The following PKP1 variants were observed in gnomAD, a reference collection of about 807,000 sequenced individuals.
PKP1 encodes plakophilin 1, also known as plakophilin-1.
PKP1 carries 27 observed loss-of-function variants against 76.4 expected under a neutral mutation model. The observed-to-expected ratio is 0.35, with a 90% CI of 0.26 to 0.49. The LOEUF (loss-of-function observed/expected upper bound fraction) is 0.49. Among genes scored for constraint, PKP1 ranks in the 20% least tolerant of loss-of-function variants. The probability of loss-of-function intolerance (pLI) is 0.99; values close to 1 mark genes in which losing one functional copy is unlikely to be tolerated. For missense variants in PKP1, 964 were observed against 955.2 expected (o/e 1.01, Z -0.12); for synonymous variants, 404 against 384.2 (o/e 1.05, Z -0.60).
At chr1:201,328,623 C>A in intron 12 of PKP1, 139 bp from the exon 13 acceptor site, 1 of 762,324 alleles carries the variant, frequency 1.3e-6, no homozygotes, top group Non-Finnish European at 2.4e-6. Context: ...GGCCAGTTTT[C>A]GCCCTGACAC....
chr1:201,305,821 T>C (rs1656352127), intron 2 of PKP1, among the ~76,000 whole-genome samples: 2 of 152,148 alleles, frequency 1.3e-5, no homozygotes, highest in African/African-American at 4.8e-5. Context: ...CTCCAGGAGT[T>C]ATTTCATATC....
At chr1:201,328,607 T>C in intron 12 of PKP1, 155 bp from the exon 13 acceptor site, 1 of 720,924 alleles carries the variant, frequency 1.4e-6, no homozygotes. Flanking sequence ...GTTACACAGT[T>C]ACTGAGGCCA....
At chr1:201,302,761 G>A (rs963129318) in intron 2 of PKP1, among the ~76,000 whole-genome samples, 37 of 144,892 alleles carry the variant, frequency 2.6e-4, no homozygotes, top group Admixed American at 1.8e-3. Context: ...CTCCCCTCCC[G>A]CCCCCACAGC....
intron 1 of PKP1, among the ~76,000 whole-genome samples, chr1:201,291,161 G>A (rs764899382): frequency 6.6e-6 from 1 of 152,096 alleles, no homozygotes; most frequent in Admixed American, 6.5e-5. Context: ...CACCACCTCC[G>A]CCCCAAATAC....
chr1:201,294,409 G>A (rs897740745), intron 2 of PKP1, among the ~76,000 whole-genome samples: 4 of 152,190 alleles, frequency 2.6e-5, no homozygotes, highest in African/African-American at 9.7e-5. Flanking sequence ...AAATCCTAAA[G>A]GGTCATCTCT....
intron 13 of PKP1, among the ~76,000 whole-genome samples, chr1:201,329,398 G>C (rs955449977): frequency 6.6e-6 from 1 of 152,224 alleles, no homozygotes; most frequent in African/African-American, 2.4e-5. Context: ...TATATGGGTT[G>C]CTTGCTAAAA....
chr1:201,317,699 C>T lies in PKP1; in HGVS notation c.974C>T (p.Thr325Ile). Reference sequence around the variant, plus strand: ...AGGAGCACCACCAACAAGCTGGAGACCCGGAGGCAGAATGGGATCCGCGAG... The same window carrying T: ...AGGAGCACCACCAACAAGCTGGAGATCCGGAGGCAGAATGGGATCCGCGAG... Reference protein sequence around the residue: ...VFRSTTNKLETRRQNGIREAV... With the variant: ...VFRSTTNKLEIRRQNGIREAV... The change falls in exon 5 of 14, where the codon ACC becomes ATC. Residue 325 changes from threonine (T) to isoleucine (I), a missense_variant. Transcript: ENST00000367324. The T allele has an allele frequency of 1.9e-6, 3 of 1,614,006 alleles. No homozygotes were observed. Among genetic ancestry groups the T allele is most frequent in the Non-Finnish European group, 1.7e-6 (2 of 1,180,008 alleles).
Position 201,289,490 on chromosome 1 carries a change from G to A in PKP1, c.203-4452G>A, listed in dbSNP as rs1183850815. ...CTGTGACGAAGGAGAAGGATTTGAG[G>A]GGAGGGAAAGTGGAAAAAGCGGATT... On this transcript the variant is annotated intron_variant, in intron 1 of 13. Coordinates refer to ENST00000367324, the MANE Select transcript of PKP1 (RefSeq NM_001005337.3). Among the ~76,000 whole-genome samples, 4 of 152,292 alleles carry A rather than the reference G, an allele frequency of 2.6e-5. No homozygotes were observed. The East Asian group carries it at 7.7e-4, about 29-fold the overall frequency.
Position 201,284,028 on chromosome 1 carries a change from C to T in PKP1, c.202+124C>T, listed in dbSNP as rs375291658. ...GAGGCGAGGGGCTGCCGGCCCCAGGCAGGGTCTACGCACCTAGTGCGAGCA... is the reference window on the plus strand; with the variant it reads ...GAGGCGAGGGGCTGCCGGCCCCAGGTAGGGTCTACGCACCTAGTGCGAGCA... On this transcript the variant is annotated intron_variant, in intron 1 of 13. Coordinates refer to ENST00000367324, the MANE Select transcript of PKP1 (RefSeq NM_001005337.3). The T allele has an allele frequency of 1.3e-5, 12 of 904,364 alleles. No homozygotes were observed. In the African/African-American group the frequency reaches 1.5e-4, roughly 11 times the overall value. 56.0% of individuals were successfully genotyped at this position (904,364 alleles called of 1,614,324 possible).
intron 12 of PKP1, among the ~76,000 whole-genome samples, chr1:201,327,110 T>C (rs752400213): frequency 9.9e-5 from 15 of 152,036 alleles, no homozygotes; most frequent in Non-Finnish European, 1.6e-4. Context: ...TGGATGGGGA[T>C]GGATGGGGAG....
intron 11 of PKP1, 109 bp from the exon 12 acceptor site, chr1:201,325,645 G>T: frequency 1.2e-6 from 1 of 845,732 alleles, no homozygotes; most frequent in South Asian, 1.4e-5. Context: ...GGCCTCCTCT[G>T]AGGCCTCCCC....
In PKP1 at chr1:201,328,758, G is replaced by A. The variant is rs1280255896; in HGVS notation, c.2107-4G>A. On this transcript the variant is annotated splice_polypyrimidine_tract_variant and splice_region_variant and intron_variant, in intron 12 of 13. Coordinates refer to ENST00000367324, the MANE Select transcript of PKP1 (RefSeq NM_001005337.3). ...TCATTTGGTTGCTGTTTCTCCCTTT[G>A]CAGCAAGGTTTCGATAGGAACATGC... 8.1e-6 allele frequency: 13 copies of A among 1,613,888 alleles called. No homozygotes were observed. The highest frequency in any genetic ancestry group is 1.1e-5 in the Non-Finnish European group (13 of 1,179,774).
At chr1:201,313,649 G>T in intron 3 of PKP1, 89 bp downstream of exon 3, 1 of 1,350,754 alleles carries the variant, frequency 7.4e-7, no homozygotes, top group Non-Finnish European at 1.0e-6. Flanking sequence ...AGGGCTCCTG[G>T]GATGACAGGA....
At chr1:201,300,939 G>C (rs1656211395) in intron 2 of PKP1, among the ~76,000 whole-genome samples, 1 of 152,154 alleles carries the variant, frequency 6.6e-6, no homozygotes, top group African/African-American at 2.4e-5. Context: ...CTGGACTGTG[G>C]TCTGAGAGTA....
intron 2 of PKP1, among the ~76,000 whole-genome samples, chr1:201,307,887 C>T (rs967854630): frequency 6.6e-6 from 1 of 152,220 alleles, no homozygotes; most frequent in African/African-American, 2.4e-5. Context: ...TGGGAGATCA[C>T]GCTGCTGAAG....
In PKP1 at chr1:201,318,215, T is replaced by C. The variant is rs1656823487; in HGVS notation, c.1055-403T>C. Among the ~76,000 whole-genome samples, 9 of 152,102 alleles carry C rather than the reference T, an allele frequency of 5.9e-5. No homozygotes were observed. The South Asian group carries it at 1.9e-3, about 32-fold the overall frequency. On this transcript the variant is annotated intron_variant, in intron 5 of 13. Transcript: ENST00000367324. ...AAGAGGTCACCGTGAAGACCTAGAA[T>C]TGGGCTGGGAAGATCAGACCATGTA...
intron 11 of PKP1, among the ~76,000 whole-genome samples, 176 bp from the exon 12 acceptor site, chr1:201,325,578 G>A (rs1046317301): frequency 6.6e-6 from 1 of 151,980 alleles, no homozygotes; most frequent in African/African-American, 2.4e-5. Context: ...GTGCCCACTG[G>A]GTAGGGTGAC....
intron 2 of PKP1, among the ~76,000 whole-genome samples, chr1:201,311,626 T>A (rs1196002369): frequency 1.3e-5 from 2 of 150,412 alleles, no homozygotes; most frequent in East Asian, 4.0e-4. Context: ...CCAGCTTGTG[T>A]GGCTAGATCT....
intron 12 of PKP1, 138 bp downstream of exon 12, chr1:201,325,976 C>G: frequency 5.8e-6 from 4 of 692,512 alleles, no homozygotes; most frequent in Non-Finnish European, 1.1e-5. Flanking sequence ...AAGACAGCGT[C>G]TACGTGAAAA....
Sources: gnomAD v4.1 joint callset for allele counts (sites outside exome capture counted in the v4.1 genomes callset) on GRCh38, gnomAD v4.1.1 for gene constraint, MANE v1.5 for transcripts, NCBI Gene and HGNC (gene_info 2026-07-23, HGNC 2026-07-21) for gene names.